SPATA21: variants seen among roughly 807,000 people sequenced by gnomAD.
The protein encoded by SPATA21 is spermatogenesis associated 21, also known as spermatogenesis-associated protein 21.
A neutral mutation model predicts 54.8 loss-of-function variants in SPATA21; 47 were observed. The ratio of observed to expected loss-of-function variants is 0.86; its 90% CI spans 0.68 to 1.09. The LOEUF (loss-of-function observed/expected upper bound fraction) is 1.09, where lower values mean the gene tolerates loss of function less well. SPATA21 is among the 50% of genes least tolerant of loss of function. The pLI is 0.00. For missense variants in SPATA21, 599 were observed against 596.4 expected, an observed-to-expected ratio of 1.00 and a Z score of -0.05; for synonymous variants, 245 against 235.3, an observed-to-expected ratio of 1.04 and a Z score of -0.38.
chr1:16,420,981 T>G (rs992131860), intron 5 of SPATA21, among the ~76,000 whole-genome samples: 1 of 152,104 alleles, frequency 6.6e-6, no homozygotes, highest in South Asian at 2.1e-4. Flanking sequence ...TGAGTGAGTT[T>G]AGCCAGGGTG....
intron 3 of SPATA21, among the ~76,000 whole-genome samples, chr1:16,424,134 C>T (rs2100871897): frequency 6.7e-6 from 1 of 148,942 alleles, no homozygotes; most frequent in African/African-American, 2.5e-5. Context: ...CCAATTATAC[C>T]TTACTGAAGC....
chr1:16,421,453 C>A lies in SPATA21; in HGVS notation c.144+56G>T, dbSNP rs1570177677. On this transcript the variant is annotated intron_variant, in intron 5 of 12. Coordinates refer to ENST00000335496, the MANE Select transcript of SPATA21 (RefSeq NM_198546.1). The surrounding 1 kb of genome is among the most constrained non-coding windows in gnomAD (Gnocchi z 5.2). ...CTTCTGCCCTCTTCCTCCTCCTGAT[C>A]CCCCCTGCCTTTCTCCTACACAGCT... 2.6e-6 allele frequency: 4 copies of A among 1,514,714 alleles called. No homozygotes were observed. In the East Asian group the frequency reaches 9.3e-5, roughly 35 times the overall value. The allele number at this position is 1,514,714 out of a possible 1,614,324, so 93.8% of individuals were successfully genotyped here.
chr1:16,409,255 T>A lies in SPATA21; in HGVS notation c.588-52A>T. ...GGCAACATCCGGCCGCCCACCCTGC[T>A]GATAGCTAGGGGAGGGGTTGGGGGA... On this transcript the variant is annotated intron_variant, in intron 6 of 12. Transcript: ENST00000335496. The surrounding 1 kb of genome is among the most constrained non-coding windows in gnomAD (Gnocchi z 4.1). The A allele has an allele frequency of 6.2e-7, 1 of 1,600,680 alleles. No individual in the cohort carries two copies. The highest frequency in any genetic ancestry group is 8.5e-7 in the Non-Finnish European group (1 of 1,169,618).
chr1:16,399,434 C>T lies in SPATA21; in HGVS notation c.1262G>A (p.Ser421Asn), dbSNP rs760323515. The stretch of plus-strand genomic sequence containing the variant: ...GCACTGGTCTAGTGCATAGTGGTTG[C>T]TCGGCTGCCTACGGACCATCTTCTT... ...LDKKMVRRQP[S>N]NHYALDQCTP... Residue 421 changes from serine to asparagine, a missense_variant, in exon 12 of 13, where the codon AGC becomes AAC. Coordinates refer to ENST00000335496, the MANE Select transcript of SPATA21 (RefSeq NM_198546.1). 34 of 1,614,180 alleles carry T rather than the reference C, an allele frequency of 2.1e-5. No homozygotes were observed. The highest frequency in any genetic ancestry group is 2.8e-5 in the Non-Finnish European group (33 of 1,180,042).
rs575726315 is a variant in SPATA21 at position 16,402,503 on chromosome 1, C to T, written c.1001+1224G>A. Among the ~76,000 whole-genome samples the T allele has an allele frequency of 1.3e-4, 19 of 151,654 alleles. No homozygotes were observed. In the South Asian group the frequency reaches 1.7e-3, roughly 13 times the overall value. ...CTCTCGATCTCCTGACCTTGTGATC[C>T]GCCCACCGCGGCCTCCCAAAGTGCT... On this transcript the variant is annotated intron_variant, in intron 10 of 12. Coordinates refer to ENST00000335496, the MANE Select transcript of SPATA21 (RefSeq NM_198546.1).
chr1:16,414,493 G>T (rs527335707), intron 5 of SPATA21, among the ~76,000 whole-genome samples: 1 of 152,316 alleles, frequency 6.6e-6, no homozygotes, highest in South Asian at 2.1e-4. Context: ...CAATATGTAT[G>T]TTAACTAAAC....
At chr1:16,410,852 T>TGGTC in intron 5 of SPATA21, 1 of 392,402 alleles carries the variant, frequency 2.5e-6, no homozygotes, top group South Asian at 1.9e-5. Context: ...GGCTGAGCCA[T>TGGTC]GGTCTTGAGT....
At chr1:16,410,867 T>C (rs1237070989) in intron 5 of SPATA21, 1 of 380,462 alleles carries the variant, frequency 2.6e-6, no homozygotes, top group Non-Finnish European at 5.4e-6. Flanking sequence ...TTGAGTGAGT[T>C]ACTCCTGGTC....
chr1:16,424,833 T>C (rs1402328344), intron 3 of SPATA21: 1 of 177,282 alleles, frequency 5.6e-6, no homozygotes, highest in East Asian at 1.8e-4. Context: ...CAATATTATC[T>C]GTATACAGAA....
chr1:16,436,134 C>T (rs953382488), intron 1 of SPATA21, among the ~76,000 whole-genome samples: 25 of 152,058 alleles, frequency 1.6e-4, no homozygotes, highest in Admixed American at 7.9e-4. Context: ...TGCCTGTAAT[C>T]CCAGCACTTT....
intron 5 of SPATA21, chr1:16,410,838 GC>G (rs1235487118): frequency 7.0e-5 from 28 of 399,592 alleles, no homozygotes; most frequent in Admixed American, 6.7e-4. Flanking sequence ...GTTCCACCGC[GC>G]CCGGCTGAGC....
chr1:16,427,825 C>T, intron 3 of SPATA21: 1 of 1,515,242 alleles, frequency 6.6e-7, no homozygotes, highest in Non-Finnish European at 8.9e-7. Context: ...ACAGGGGGTT[C>T]TCTCTTGGAC....
In SPATA21 at chr1:16,409,516, T is replaced by TG; in HGVS notation, c.587+84dup. ...GGGGACACACGAGGGAACAGGCAGG[T>TG]GCAGGGACAGGGACCTGCATCCGGG... On this transcript the variant is annotated intron_variant, in intron 6 of 12. Coordinates refer to ENST00000335496, the MANE Select transcript of SPATA21 (RefSeq NM_198546.1). This position sits in a 1 kb window ranked among gnomAD's most constrained non-coding sequence, Gnocchi z 4.1. The TG allele has an allele frequency of 7.1e-7, 1 of 1,403,050 alleles. No individual in the cohort carries two copies. The highest frequency in any genetic ancestry group is 9.7e-7 in the Non-Finnish European group (1 of 1,034,490). The allele number at this position is 1,403,050 out of a possible 1,614,324, so 86.9% of individuals were successfully genotyped here.
At chr1:16,411,762 C>T (rs1019554757) in intron 5 of SPATA21, among the ~76,000 whole-genome samples, 2 of 144,752 alleles carry the variant, frequency 1.4e-5, no homozygotes, top group Non-Finnish European at 3.0e-5. Flanking sequence ...TGCACTCCAG[C>T]CTGGGTGACA....
chr1:16,416,498 C>T (rs879287251), intron 5 of SPATA21, among the ~76,000 whole-genome samples: 2 of 151,866 alleles, frequency 1.3e-5, no homozygotes, highest in African/African-American at 2.4e-5. Context: ...GCCAACATGG[C>T]GAAACTCTGT....
Position 16,400,722 on chromosome 1 carries a change from T to G in SPATA21, c.1172A>C (p.Tyr391Ser). 6.6e-7 allele frequency: 1 copy of G among 1,524,902 alleles called. No homozygotes were observed. The allele number at this position is 1,524,902 out of a possible 1,614,324, so 94.5% of individuals were successfully genotyped here. Residue 391 changes from tyrosine to serine, a missense_variant and splice_region_variant, in exon 11 of 13, where the codon TAT (tyrosine) becomes TCT (serine). Tyr to Ser is a moderately radical substitution (Grantham distance 144). Coordinates refer to ENST00000335496, the MANE Select transcript of SPATA21 (RefSeq NM_198546.1). ...CCCACCCTGCCCAGGGCCCTCACCA[T>G]AGTTCTGCTGCTTCAGCCGGCTCAG... ...SILSRLKQQN[Y>S]APNLQSPYAQ... is the part of the protein sequence containing the mutation.
chr1:16,429,191 C>CG (rs893870897), intron 3 of SPATA21, among the ~76,000 whole-genome samples: 4 of 149,854 alleles, frequency 2.7e-5, no homozygotes, highest in Non-Finnish European at 5.9e-5. Context: ...TTGTGGAGAA[C>CG]GGGGTCTCGC....
chr1:16,427,655 A>C lies in SPATA21; in HGVS notation c.34+3683T>G, dbSNP rs779680159. 3.3e-5 allele frequency among the ~76,000 whole-genome samples: 5 copies of C among 152,230 alleles called. No individual in the cohort carries two copies. The South Asian group carries it at 1.0e-3, about 32-fold the overall frequency. On this transcript the variant is annotated intron_variant, in intron 3 of 12. Transcript: ENST00000335496. ...TGATGCTCCTCAAACAAGACACATA[A>C]AAGATGTTTGTGGTCTCGTTGGGGG...
At position 16,405,116 on chromosome 1, in the gene SPATA21, G is replaced by A. The variant is rs957556743; in HGVS notation, c.674-12C>T. Reference sequence around the variant, plus strand: ...GTAGCTGCGGAAGGCTGTGGGGAGGGCAGGGTTATGTGGAGTGGGGGCATT... The same window carrying A: ...GTAGCTGCGGAAGGCTGTGGGGAGGACAGGGTTATGTGGAGTGGGGGCATT... On this transcript the variant is annotated splice_polypyrimidine_tract_variant and intron_variant, in intron 7 of 12. Coordinates refer to ENST00000335496, the MANE Select transcript of SPATA21 (RefSeq NM_198546.1). 1 of 1,604,344 alleles carries A rather than the reference G, an allele frequency of 6.2e-7. No individual in the cohort carries two copies. The highest frequency in any genetic ancestry group is 1.1e-5 in the South Asian group (1 of 89,010).
Sources: allele counts gnomAD v4.1 joint callset (sites outside exome capture counted in the v4.1 genomes callset), GRCh38; gene constraint gnomAD v4.1.1; non-coding constraint Gnocchi (gnomAD v3.1); transcripts MANE v1.5; gene names NCBI Gene and HGNC (gene_info 2026-07-23, HGNC 2026-07-21).